IRAK1BP1: variants seen among roughly 807,000 people sequenced by gnomAD.
The protein encoded by IRAK1BP1 is interleukin-1 receptor-associated kinase 1-binding protein 1.
A neutral mutation model predicts 28.0 loss-of-function variants in IRAK1BP1; 24 were observed. The observed-to-expected ratio is 0.86, with a 90% CI of 0.62 to 1.20. The LOEUF is 1.20. IRAK1BP1 is among the 50% of genes most tolerant of loss of function. The probability of loss-of-function intolerance (pLI) is 0.00; values close to 1 mark genes in which losing one functional copy is unlikely to be tolerated. For synonymous variants in IRAK1BP1, 131 were observed against 116.3 expected (o/e 1.13, Z -0.81); for missense variants, 336 against 316.7 (o/e 1.06, Z -0.46).
intron 1 of IRAK1BP1, among the ~76,000 whole-genome samples, chr6:78,876,467 TAAAC>T (rs1161766619): frequency 1.3e-5 from 2 of 152,230 alleles, no homozygotes; most frequent in African/African-American, 4.8e-5. Context: ...TATTTAGAAA[TAAAC>T]AGTAGCTTAA....
intron 4 of IRAK1BP1, chr6:78,941,275 T>C (rs1478569633): frequency 1.2e-6 from 2 of 1,613,492 alleles, no homozygotes; most frequent in South Asian, 2.2e-5. Context: ...ATGGCTGTCC[T>C]CCATGGCCAT....
Position 78,900,593 on chromosome 6 carries a change from G to C in IRAK1BP1, c.*2259G>C, listed in dbSNP as rs956833648. Reference sequence around the variant, plus strand: ...TGAAAGTGGAGATCTTGTCTGTCTTGTTCACAGTTGTGTTCCCAGCCCCAG... The same window carrying C: ...TGAAAGTGGAGATCTTGTCTGTCTTCTTCACAGTTGTGTTCCCAGCCCCAG... On this transcript the variant is annotated 3_prime_UTR_variant, in exon 4 of 4. Transcript: ENST00000369940. 6.6e-6 allele frequency: 1 copy of C among 151,896 alleles called. No homozygotes were observed. Among genetic ancestry groups the C allele is most frequent in the Non-Finnish European group, 1.5e-5 (1 of 67,958 alleles). 9.4% of individuals were successfully genotyped at this position (151,896 alleles called of 1,614,324 possible).
chr6:78,929,319 A>G (rs1484071207), intron 4 of IRAK1BP1, among the ~76,000 whole-genome samples: 1 of 152,172 alleles, frequency 6.6e-6, no homozygotes, highest in Non-Finnish European at 1.5e-5. Context: ...GGTTGGATAA[A>G]TAAAATGTGG....
In IRAK1BP1 at chr6:78,946,146, G is replaced by A. The variant is rs1474049210; in HGVS notation, c.*806G>A. 5.6e-6 allele frequency: 9 copies of A among 1,614,054 alleles called. No individual in the cohort carries two copies. Among genetic ancestry groups the A allele is most frequent in the South Asian group, 2.2e-5 (2 of 91,076 alleles). On this transcript the variant is annotated 3_prime_UTR_variant and NMD_transcript_variant, in exon 5 of 5. Coordinates refer to the IRAK1BP1 transcript ENST00000606868. ...CCACAGAACTAGATTCTGTTTTACC[G>A]TTTATCTGAGCAGCATTGTGTCTTG...
rs749602629 is a variant in IRAK1BP1 at position 78,897,978 on chromosome 6, TTAAC to T, written c.512+23_512+26del. 2 of 1,612,080 alleles carry T rather than the reference TTAAC, an allele frequency of 1.2e-6. No individual in the cohort carries two copies. The highest frequency in any genetic ancestry group is 1.7e-6 in the Non-Finnish European group (2 of 1,179,360). On this transcript the variant is annotated intron_variant, in intron 3 of 3. Transcript: ENST00000369940. ...ATCTTCGGTAAGTTTAAGCACATCT[TTAAC>T]TAAGATATTCTTTAAACAAAACTAT...
chr6:78,921,873 C>A (rs957895718), intron 4 of IRAK1BP1, among the ~76,000 whole-genome samples: 2 of 152,198 alleles, frequency 1.3e-5, no homozygotes, highest in South Asian at 2.1e-4. Context: ...CCTGACTGTT[C>A]GAAGGAAAAC....
intron 1 of IRAK1BP1, among the ~76,000 whole-genome samples, chr6:78,882,282 A>C (rs1037142275): frequency 1.3e-5 from 2 of 152,334 alleles, no homozygotes; most frequent in South Asian, 2.1e-4. Context: ...AAAGGAGCCA[A>C]CCTGAAAGAA....
intron 4 of IRAK1BP1, among the ~76,000 whole-genome samples, chr6:78,930,024 C>T (rs1460725232): frequency 6.6e-6 from 1 of 152,106 alleles, no homozygotes; most frequent in Non-Finnish European, 1.5e-5. Context: ...GCAGCCTCAA[C>T]CTCCTGGGCT....
the IRAK1BP1 span, among the ~76,000 whole-genome samples, chr6:78,954,267 A>AGTT: frequency 7.7e-6 from 1 of 129,936 alleles, no homozygotes; most frequent in African/African-American, 2.9e-5. Flanking sequence ...ACGCCTGGCT[A>AGTT]ATTTTTTTTT....
the IRAK1BP1 span, chr6:78,958,603 T>TA: frequency 7.8e-6 from 12 of 1,539,476 alleles, no homozygotes; most frequent in South Asian, 2.3e-5. Flanking sequence ...AAACCCGCCT[T>TA]AAAAAAACAA....
In IRAK1BP1 at chr6:78,898,431, T is replaced by C. The variant is rs1406640457; in HGVS notation, c.*97T>C. ...TCCTGAATATATATATATATATATA[T>C]ATATATATATATATGGTATAGGAGA... On this transcript the variant is annotated 3_prime_UTR_variant, in exon 4 of 4. Coordinates refer to ENST00000369940, the MANE Select transcript of IRAK1BP1 (RefSeq NM_001010844.4). 6.1e-6 allele frequency: 1 copy of C among 164,232 alleles called. No individual in the cohort carries two copies. Among genetic ancestry groups the C allele is most frequent in the Non-Finnish European group, 1.2e-5 (1 of 83,098 alleles). 10.2% of individuals were successfully genotyped at this position (164,232 alleles called of 1,614,324 possible).
chr6:78,947,218 T>C (rs557694340), downstream of IRAK1BP1, among the ~76,000 whole-genome samples: 1 of 152,320 alleles, frequency 6.6e-6, no homozygotes, highest in South Asian at 2.1e-4. Context: ...TAGCATCTAT[T>C]CTTTCTCATT....
At chr6:78,911,459 T>C (rs1218779066) in intron 4 of IRAK1BP1, among the ~76,000 whole-genome samples, 1 of 152,180 alleles carries the variant, frequency 6.6e-6, no homozygotes, top group Non-Finnish European at 1.5e-5. Flanking sequence ...CTCATCCCCA[T>C]TGCCTCACCA....
chr6:78,954,457 G>A, the IRAK1BP1 span, among the ~76,000 whole-genome samples: 9 of 151,924 alleles, frequency 5.9e-5, no homozygotes, highest in Admixed American at 1.3e-4. Flanking sequence ...CTGTAAGGAC[G>A]TAGGCATTAT....
At chr6:78,914,151 A>G (rs965375522) in intron 4 of IRAK1BP1, among the ~76,000 whole-genome samples, 3 of 152,176 alleles carry the variant, frequency 2.0e-5, no homozygotes, top group Non-Finnish European at 2.9e-5. Context: ...TTAACTCACT[A>G]CTAGGTAATC....
the IRAK1BP1 span, among the ~76,000 whole-genome samples, chr6:78,952,291 C>T: frequency 3.0e-4 from 46 of 151,860 alleles, 1 homozygote; most frequent in South Asian, 7.9e-3. Flanking sequence ...TGGTGGCATG[C>T]GCCTATAATC....
At chr6:78,918,766 A>G (rs1239862437) in intron 4 of IRAK1BP1, among the ~76,000 whole-genome samples, 1 of 152,180 alleles carries the variant, frequency 6.6e-6, no homozygotes, top group Non-Finnish European at 1.5e-5. Context: ...GGGGGACTTC[A>G]ACACCCTCCT....
chr6:78,902,192 G>A lies in IRAK1BP1; in HGVS notation c.*3858G>A, dbSNP rs1772126659. ...CTGTTGCTCTGTCACCCAGGATGGA[G>A]TGCAAGTAGCTCAATCATAGCTTAC... On this transcript the variant is annotated 3_prime_UTR_variant, in exon 4 of 4. Coordinates refer to ENST00000369940, the MANE Select transcript of IRAK1BP1 (RefSeq NM_001010844.4). 1 of 152,236 alleles carries A rather than the reference G, an allele frequency of 6.6e-6. No individual in the cohort carries two copies. Among genetic ancestry groups the A allele is most frequent in the Non-Finnish European group, 1.5e-5 (1 of 68,050 alleles). The allele number at this position is 152,236 out of a possible 1,614,324, so 9.4% of individuals were successfully genotyped here. A position where few individuals can be genotyped will look rare whatever the true frequency, so the allele number is the denominator to read the frequency against.
intron 4 of IRAK1BP1, among the ~76,000 whole-genome samples, chr6:78,925,682 T>C (rs1326552600): frequency 6.6e-6 from 1 of 152,114 alleles, no homozygotes; most frequent in Non-Finnish European, 1.5e-5. Context: ...AGTAATCCCA[T>C]CACTAGGTAT....
Sources: allele counts gnomAD v4.1 joint callset (sites outside exome capture counted in the v4.1 genomes callset), GRCh38; gene constraint gnomAD v4.1.1; transcripts MANE v1.5; gene names NCBI Gene and HGNC (gene_info 2026-07-23, HGNC 2026-07-21).